Variants in PRR19 observed in about 807,000 individuals in gnomAD.
PRR19 encodes proline rich 19, also known as proline-rich protein 19.
A neutral mutation model predicts 19.2 loss-of-function variants in PRR19; 9 were observed. The observed-to-expected ratio is 0.47, with a 90% CI of 0.28 to 0.82. The LOEUF (loss-of-function observed/expected upper bound fraction) is 0.82, where lower values mean the gene tolerates loss of function less well. PRR19 is among the 40% of genes least tolerant of loss of function. The pLI, the probability that PRR19 is intolerant of heterozygous loss-of-function variation, is 0.11. For missense variants in PRR19, 457 were observed against 466.0 expected, an observed-to-expected ratio of 0.98 and a Z score of 0.18; for synonymous variants, 190 against 191.0, an observed-to-expected ratio of 0.99 and a Z score of 0.04.
At chr19:42,303,064 G>GGGGTGTGTGT (rs371257168) in intron 1 of PRR19, among the ~76,000 whole-genome samples, 11 of 134,036 alleles carry the variant, frequency 8.2e-5, no homozygotes, top group East Asian at 6.7e-4. Flanking sequence ...AAACACCGTG[G>GGGGTGTGTGT]GTGTGTGTGT....
intron 1 of PRR19, 80 bp from the exon 2 acceptor site, chr19:42,309,499 G>A (rs1279332211): frequency 1.2e-5 from 13 of 1,119,730 alleles, no homozygotes; most frequent in South Asian, 3.2e-5. Flanking sequence ...ATAAGCCACC[G>A]CGCCCAGCCC....
At position 42,309,640 on chromosome 19, in the gene PRR19, G is replaced by C; in HGVS notation, c.56G>C (p.Arg19Pro). Residue 19 changes from arginine to proline, a missense_variant, in exon 2 of 3, where the codon CGT becomes CCT. Transcript: ENST00000341747. ...QPFQQPEKPG[R>P]VRRRKTRRER... Reference sequence around the variant, plus strand: ...TTTCAGCAGCCTGAGAAACCTGGTCGTGTCCGTCGTCGGAAGACTAGGCGG... The same window carrying C: ...TTTCAGCAGCCTGAGAAACCTGGTCCTGTCCGTCGTCGGAAGACTAGGCGG... 6.4e-7 allele frequency: 1 copy of C among 1,557,856 alleles called. No individual in the cohort carries two copies. Among genetic ancestry groups the C allele is most frequent in the Non-Finnish European group, 8.7e-7 (1 of 1,147,998 alleles).
At position 42,310,512 on chromosome 19, in the gene PRR19, A is replaced by G; in HGVS notation, c.843A>G (p.Thr281=). Residue 281 remains threonine (T), a synonymous_variant, in exon 3 of 3, where the codon ACA becomes ACG. Coordinates refer to ENST00000341747, the MANE Select transcript of PRR19 (RefSeq NM_199285.3). ...SPSGTAWGPP[T]AFDLLKSIWL... ...CTGGAACAGCCTGGGGTCCCCCAACAGCGTTTGACTTGTTAAAAAGCATCT... is the reference window on the plus strand; with the variant it reads ...CTGGAACAGCCTGGGGTCCCCCAACGGCGTTTGACTTGTTAAAAAGCATCT... The G allele has an allele frequency of 6.2e-7, 1 of 1,614,200 alleles. No homozygotes were observed. The highest frequency in any genetic ancestry group is 8.5e-7 in the Non-Finnish European group (1 of 1,180,028).
At chr19:42,304,238 G>A (rs552639729) in intron 1 of PRR19, among the ~76,000 whole-genome samples, 60 of 151,556 alleles carry the variant, frequency 4.0e-4, no homozygotes, top group African/African-American at 1.4e-3. Context: ...CTGAGATCGC[G>A]CCACTGCAGC....
chr19:42,308,618 C>T (rs926770317), intron 1 of PRR19, among the ~76,000 whole-genome samples: 2 of 152,032 alleles, frequency 1.3e-5, no homozygotes, highest in Non-Finnish European at 2.9e-5. Context: ...AGGCTGGTCT[C>T]GAACTCCTGG....
In PRR19 at chr19:42,302,436, C is replaced by G. The variant is rs1403854025; in HGVS notation, c.-74C>G. 1 of 818,696 alleles carries G rather than the reference C, an allele frequency of 1.2e-6. No homozygotes were observed. Among genetic ancestry groups the G allele is most frequent in the Non-Finnish European group, 1.9e-6 (1 of 532,382 alleles). 50.7% of individuals were successfully genotyped at this position (818,696 alleles called of 1,614,324 possible). On this transcript the variant is annotated 5_prime_UTR_variant, in exon 1 of 3. Coordinates refer to ENST00000341747, the MANE Select transcript of PRR19 (RefSeq NM_199285.3). ...AAAGGACCGTCCCAACGCTAGCACA[C>G]CCGCGGAGGACGAAGGCCGATACAG...
intron 1 of PRR19, among the ~76,000 whole-genome samples, chr19:42,308,314 A>G (rs908726229): frequency 3.4e-5 from 5 of 147,754 alleles, no homozygotes; most frequent in African/African-American, 1.0e-4. Context: ...GTAACCTCCA[A>G]CTCCTGGGCT....
intron 1 of PRR19, among the ~76,000 whole-genome samples, chr19:42,303,067 GTGTGTGT>G (rs772453036): frequency 0.061 from 7,192 of 118,684 alleles, 261 homozygotes; most frequent in South Asian, 0.19. Context: ...CACCGTGGGT[GTGTGTGT>G]GTGTGTGTGT....
chr19:42,309,868 T>G lies in PRR19; in HGVS notation c.284T>G (p.Leu95Arg). 6.2e-7 allele frequency: 1 copy of G among 1,613,978 alleles called. No homozygotes were observed. Among genetic ancestry groups the G allele is most frequent in the Non-Finnish European group, 8.5e-7 (1 of 1,180,010 alleles). ...DVARLLSSGT[L>R]VPGSPTLPAK... The stretch of plus-strand genomic sequence containing the variant: ...GCAAGGCTGCTTAGCAGTGGGACCC[T>G]GGTGCCAGGCAGCCCCACACTCCCC... The change falls in exon 2 of 3, where the codon CTG becomes CGG. Residue 95 changes from leucine to arginine, a missense_variant. Physicochemically the swap from Leu to Arg is moderately radical, Grantham distance 102. Coordinates refer to ENST00000341747, the MANE Select transcript of PRR19 (RefSeq NM_199285.3).
In PRR19 at chr19:42,309,868, T is replaced by C. The variant is rs770618504; in HGVS notation, c.284T>C (p.Leu95Pro). The C allele has an allele frequency of 4.3e-6, 7 of 1,613,860 alleles. No homozygotes were observed. The South Asian group carries it at 4.4e-5, about 10-fold the overall frequency. ...DVARLLSSGT[L>P]VPGSPTLPAK... is the part of the protein sequence containing the mutation. ...GCAAGGCTGCTTAGCAGTGGGACCC[T>C]GGTGCCAGGCAGCCCCACACTCCCC... Residue 95 changes from leucine to proline, a missense_variant, in exon 2 of 3, where the codon CTG becomes CCG. Transcript: ENST00000341747.
chr19:42,309,843 G>A lies in PRR19; in HGVS notation c.259G>A (p.Ala87Thr). The change falls in exon 2 of 3, where the codon GCA becomes ACA. Residue 87 changes from alanine (A) to threonine (T), a missense_variant. Transcript: ENST00000341747. ...FNHEVKSLDV[A>T]RLLSSGTLVP... is the part of the protein sequence containing the mutation. ...CCACGAGGTGAAATCCCTAGATGTT[G>A]CAAGGCTGCTTAGCAGTGGGACCCT... is the stretch of plus-strand genomic sequence containing the variant. The A allele has an allele frequency of 6.2e-7, 1 of 1,614,004 alleles. No homozygotes were observed. Among genetic ancestry groups the A allele is most frequent in the South Asian group, 1.1e-5 (1 of 91,090 alleles).
At chr19:42,303,497 C>G (rs750426601) in intron 1 of PRR19, 5 of 152,234 alleles carry the variant, frequency 3.3e-5, no homozygotes, top group Admixed American at 6.5e-5. Context: ...TCCCTCTTCT[C>G]TGGGACCAGG....
intron 1 of PRR19, among the ~76,000 whole-genome samples, chr19:42,306,112 C>G (rs1038071283): frequency 3.3e-5 from 5 of 152,230 alleles, no homozygotes; most frequent in African/African-American, 1.2e-4. Context: ...GCCTCCACCT[C>G]CTAGGCTTAA....
chr19:42,309,213 A>G (rs1486101824), intron 1 of PRR19: 2 of 157,602 alleles, frequency 1.3e-5, no homozygotes, highest in Non-Finnish European at 2.8e-5. Flanking sequence ...AGCTGGAATT[A>G]CAGGTGCATG....
intron 1 of PRR19, among the ~76,000 whole-genome samples, chr19:42,305,317 C>T (rs2038696299): frequency 6.6e-6 from 1 of 150,628 alleles, no homozygotes; most frequent in South Asian, 2.1e-4. Context: ...CTCGCTCTGT[C>T]GCCTAGGCTG....
At chr19:42,308,710 ATTTTTATT>A (rs2038745075) in intron 1 of PRR19, 1 of 151,420 alleles carries the variant, frequency 6.6e-6, no homozygotes, top group African/African-American at 2.4e-5. Context: ...CATCCAGCTA[ATTTTTATT>A]TTTATTTTTT....
intron 1 of PRR19, among the ~76,000 whole-genome samples, chr19:42,304,021 G>A (rs1031075221): frequency 6.6e-6 from 1 of 151,884 alleles, no homozygotes; most frequent in African/African-American, 2.4e-5. Context: ...GCTCATGCCT[G>A]TAATCCCAGC....
chr19:42,307,843 C>G (rs765299037), intron 1 of PRR19, among the ~76,000 whole-genome samples: 10 of 150,004 alleles, frequency 6.7e-5, no homozygotes, highest in African/African-American at 2.5e-4. Context: ...CTGCAAGCTC[C>G]GCCTCCTGGG....
chr19:42,310,154 G>T lies in PRR19; in HGVS notation c.570G>T (p.Leu190=), dbSNP rs750139932. 2 of 1,613,942 alleles carry T rather than the reference G, an allele frequency of 1.2e-6. No individual in the cohort carries two copies. The highest frequency in any genetic ancestry group is 3.3e-5 in the Admixed American group (2 of 60,000). The change falls in exon 2 of 3, where the codon CTG becomes CTT. Residue 190 remains leucine (L), a synonymous_variant. Transcript: ENST00000341747. Reference sequence around the variant, plus strand: ...ATGGTTGTGTGCCTGACCTTGCCCTGGTGCTTCGGGGCTGCCAGCCACCCT... The same window carrying T: ...ATGGTTGTGTGCCTGACCTTGCCCTTGTGCTTCGGGGCTGCCAGCCACCCT... ...ACHGCVPDLA[L]VLRGCQPPLP... is the part of the protein sequence containing the mutation.
Sources: gnomAD v4.1 joint callset for allele counts (sites outside exome capture counted in the v4.1 genomes callset) on GRCh38, gnomAD v4.1.1 for gene constraint, MANE v1.5 for transcripts, NCBI Gene and HGNC (gene_info 2026-07-23, HGNC 2026-07-21) for gene names.